PRKAR1B: variants seen among roughly 807,000 people sequenced by gnomAD.
The protein encoded by PRKAR1B is cAMP-dependent protein kinase type I-beta regulatory subunit.
Under a neutral mutation model 46.5 loss-of-function variants are expected in PRKAR1B, and 22 were observed. The observed-to-expected ratio is 0.47, with a 90% confidence interval of 0.34 to 0.68. The LOEUF is 0.68. Among genes scored for constraint, PRKAR1B ranks in the 30% least tolerant of loss-of-function variants. PRKAR1B has a pLI of 0.01. For synonymous variants in PRKAR1B, 259 were observed against 217.7 expected, an observed-to-expected ratio of 1.19 and a Z score of -1.67; for missense variants, 445 against 535.6, an observed-to-expected ratio of 0.83 and a Z score of 1.67.
chr7:648,573 C>G (rs561748080), intron 4 of PRKAR1B, among the ~76,000 whole-genome samples: 1 of 151,492 alleles, frequency 6.6e-6, no homozygotes, highest in Non-Finnish European at 1.5e-5. Context: ...ATCACGCCAC[C>G]GCACTCCAGC....
chr7:673,917 C>T lies in PRKAR1B; in HGVS notation c.440+3312G>A, dbSNP rs555980172. ...CCCTCCTCGCCTCTTCAGGTGGCTGCGGCCCTCCTCGGCGTGTGCCACATC... is the reference window on the plus strand; with the variant it reads ...CCCTCCTCGCCTCTTCAGGTGGCTGTGGCCCTCCTCGGCGTGTGCCACATC... On this transcript the variant is annotated intron_variant, in intron 4 of 10. Transcript: ENST00000537384. Among the ~76,000 whole-genome samples the T allele has an allele frequency of 1.3e-4, 20 of 152,310 alleles. No homozygotes were observed. The South Asian group carries it at 1.5e-3, about 11-fold the overall frequency.
intron 2 of PRKAR1B, among the ~76,000 whole-genome samples, chr7:685,298 A>ACG (rs1263590458): frequency 0.013 from 195 of 14,772 alleles, 18 homozygotes; most frequent in Admixed American, 0.054. Flanking sequence ...ATGTATACAT[A>ACG]TATATATACG....
chr7:727,323 C>G, upstream of PRKAR1B: 1 of 1,262,742 alleles, frequency 7.9e-7, no homozygotes, highest in Non-Finnish European at 1.0e-6. Context: ...CCGGTGAGCA[C>G]CCCGGGCCCC....
intron 4 of PRKAR1B, among the ~76,000 whole-genome samples, chr7:661,556 C>CG (rs1785568310): frequency 1.8e-5 from 1 of 54,380 alleles, no homozygotes; most frequent in Admixed American, 1.6e-4. Context: ...ACTCTCCCCC[C>CG]CATGGCACAG....
At chr7:605,060 G>T (rs1174070852) in intron 6 of PRKAR1B, among the ~76,000 whole-genome samples, 2 of 152,244 alleles carry the variant, frequency 1.3e-5, no homozygotes, top group African/African-American at 4.8e-5. Context: ...GTCCTACGAG[G>T]GAGGCGTGGG....
chr7:637,230 C>T (rs552308564), intron 4 of PRKAR1B, among the ~76,000 whole-genome samples: 1 of 152,124 alleles, frequency 6.6e-6, no homozygotes, highest in South Asian at 2.1e-4. Flanking sequence ...GAGGTCTAGC[C>T]TACATGGTGA....
chr7:564,258 C>A (rs1217454359), intron 9 of PRKAR1B, among the ~76,000 whole-genome samples: 1 of 152,162 alleles, frequency 6.6e-6, no homozygotes, highest in Non-Finnish European at 1.5e-5. Context: ...GAGGTGGGGC[C>A]AGGGTGGGAC....
intron 9 of PRKAR1B, among the ~76,000 whole-genome samples, chr7:557,528 C>T (rs945585190): frequency 2.0e-5 from 3 of 152,300 alleles, no homozygotes; most frequent in South Asian, 2.1e-4. Flanking sequence ...TGCCTGAGTC[C>T]GACAGCAGAA....
At chr7:563,505 C>T (rs1465532038) in intron 9 of PRKAR1B, among the ~76,000 whole-genome samples, 1 of 152,272 alleles carries the variant, frequency 6.6e-6, no homozygotes, top group East Asian at 1.9e-4. Flanking sequence ...CCCCAAGCTG[C>T]TTCAGCCTCT....
chr7:702,639 C>T (rs185876489), intron 2 of PRKAR1B, among the ~76,000 whole-genome samples: 17 of 152,086 alleles, frequency 1.1e-4, no homozygotes, highest in East Asian at 7.7e-4. Flanking sequence ...CTGGCTAACA[C>T]GGTGAAACCC....
intron 9 of PRKAR1B, among the ~76,000 whole-genome samples, chr7:575,407 G>T (rs1317194562): frequency 2.0e-5 from 3 of 152,224 alleles, no homozygotes; most frequent in Non-Finnish European, 4.4e-5. Context: ...CCAGTCTTGG[G>T]TAACCTACGA....
intron 9 of PRKAR1B, among the ~76,000 whole-genome samples, chr7:566,061 G>A (rs558734025): frequency 2.6e-5 from 4 of 152,174 alleles, no homozygotes; most frequent in East Asian, 1.9e-4. Flanking sequence ...TCAGAGACTC[G>A]TAAGGATTAA....
chr7:631,936 G>T (rs1783769985), intron 4 of PRKAR1B, among the ~76,000 whole-genome samples: 1 of 144,364 alleles, frequency 6.9e-6, no homozygotes. Flanking sequence ...CAGCCTGAGC[G>T]ACACAGCAAG....
rs141253136 is a variant in PRKAR1B at position 647,247 on chromosome 7, G to A, written c.440+29982C>T. Among the ~76,000 whole-genome samples the A allele has an allele frequency of 2.0e-5, 3 of 152,120 alleles. No individual in the cohort carries two copies. In the East Asian group the frequency reaches 5.8e-4, roughly 30 times the overall value. ...CTCACTCCCGTTCTCACCCTCCCAT[G>A]TCAGGTCCTCAGCAAAACCCGTTGG... On this transcript the variant is annotated intron_variant, in intron 4 of 10. Coordinates refer to ENST00000537384, the MANE Select transcript of PRKAR1B (RefSeq NM_001164760.2).
intron 9 of PRKAR1B, among the ~76,000 whole-genome samples, chr7:577,213 T>TTG (rs1779907629): frequency 6.6e-6 from 1 of 152,154 alleles, no homozygotes; most frequent in Admixed American, 6.5e-5. Flanking sequence ...TTTGCCGAAG[T>TTG]TGCCAAACAT....
intron 4 of PRKAR1B, among the ~76,000 whole-genome samples, chr7:608,693 T>A (rs113874719): frequency 1.5e-4 from 16 of 103,358 alleles, no homozygotes; most frequent in African/African-American, 6.7e-4. Context: ...TAGGGAGGGC[T>A]GGGGGGCCTC....
intron 1 of PRKAR1B, among the ~76,000 whole-genome samples, chr7:715,785 T>G (rs548205980): frequency 8.6e-5 from 13 of 151,550 alleles, no homozygotes; most frequent in South Asian, 2.1e-4. Context: ...GCGTGATCTC[T>G]GCTCACTGCA....
intron 2 of PRKAR1B, among the ~76,000 whole-genome samples, chr7:694,631 G>A (rs1297623888): frequency 6.6e-6 from 1 of 152,080 alleles, no homozygotes; most frequent in Non-Finnish European, 1.5e-5. Context: ...CACCTCCAGT[G>A]CATTCTGCTC....
chr7:687,696 G>C (rs548972118), intron 2 of PRKAR1B, among the ~76,000 whole-genome samples: 43 of 152,248 alleles, frequency 2.8e-4, no homozygotes, highest in African/African-American at 8.7e-4. Context: ...AAGACATCAG[G>C]CCACAGATTC....
Sources: gnomAD v4.1 joint callset for allele counts (sites outside exome capture counted in the v4.1 genomes callset) on GRCh38, gnomAD v4.1.1 for gene constraint, MANE v1.5 for transcripts, NCBI Gene and HGNC (gene_info 2026-07-23, HGNC 2026-07-21) for gene names.